MRTFB: variants seen among roughly 807,000 people sequenced by gnomAD.
MRTFB encodes the protein myocardin-related transcription factor B.
Under a neutral mutation model 104.2 loss-of-function variants are expected in MRTFB, and 29 were observed. The ratio of observed to expected loss-of-function variants is 0.28; its 90% CI spans 0.21 to 0.38. The LOEUF (loss-of-function observed/expected upper bound fraction) is 0.38, where lower values mean the gene tolerates loss of function less well. Ranked by LOEUF, MRTFB falls within the 10% of genes least tolerant of loss-of-function variation. The probability of loss-of-function intolerance (pLI) is 1.00; values close to 1 mark genes in which losing one functional copy is unlikely to be tolerated. For missense variants in MRTFB, 1,270 were observed against 1,341.6 expected (o/e 0.95, Z 0.83); for synonymous variants, 535 against 519.5 (o/e 1.03, Z -0.41).
Position 14,248,968 on chromosome 16 carries a change from A to G in MRTFB, c.2290A>G (p.Thr764Ala), listed in dbSNP as rs1218209710. ...AATGCAGACTCAGCCTCAGATAGCA[A>G]CTGCTGCACAAATACCAACTGCTGC... ...AGMQTQPQIA[T>A]AAQIPTAALA... The change falls in exon 13 of 17, where the codon ACT becomes GCT. Residue 764 changes from threonine (T) to alanine (A), a missense_variant. Thr to Ala is a moderately conservative substitution (Grantham distance 58). Around this residue, in one of 3 missense-constraint regions of MRTFB, gnomAD observed 1,144 missense variants for 1,131.5 expected, o/e 1.01. Transcript: ENST00000571589. The G allele has an allele frequency of 6.2e-7, 1 of 1,614,190 alleles. No individual in the cohort carries two copies. The highest frequency in any genetic ancestry group is 1.1e-5 in the South Asian group (1 of 91,082).
chr16:14,017,338 G>A, the MRTFB span, among the ~76,000 whole-genome samples: 16 of 151,390 alleles, frequency 1.1e-4, no homozygotes, highest in Non-Finnish European at 1.6e-4. Context: ...TTACAGGCGT[G>A]AGCCACCGCG....
At chr16:14,005,850 A>G in the MRTFB span, among the ~76,000 whole-genome samples, 1 of 152,230 alleles carries the variant, frequency 6.6e-6, no homozygotes, top group Admixed American at 6.5e-5. Flanking sequence ...ATTATTTCAC[A>G]AAGAATTTCA....
At chr16:14,066,566 C>T (rs1338660266), upstream of MRTFB, among the ~76,000 whole-genome samples, 1 of 152,106 alleles carries the variant, frequency 6.6e-6, no homozygotes, top group African/African-American at 2.4e-5. Context: ...AGCCACCGTG[C>T]CCGGCCTATT....
the MRTFB span, among the ~76,000 whole-genome samples, chr16:14,007,454 C>G: frequency 7.2e-5 from 11 of 152,294 alleles, no homozygotes; most frequent in African/African-American, 2.4e-4. Context: ...GTATAAAGCA[C>G]ATTTTATTTA....
intron 2 of MRTFB, among the ~76,000 whole-genome samples, chr16:14,100,200 A>T (rs756941730): frequency 4.4e-4 from 60 of 135,474 alleles, no homozygotes; most frequent in Non-Finnish European, 6.7e-4. Context: ...AAGGGAAAAC[A>T]CTAAGTCTTA....
At chr16:14,152,206 C>G (rs1028151345) in intron 3 of MRTFB, 1 of 151,994 alleles carries the variant, frequency 6.6e-6, no homozygotes, top group African/African-American at 2.4e-5. Flanking sequence ...ATGTCATAAT[C>G]ACATCTCTAA....
chr16:14,099,032 T>C (rs2035548832), intron 2 of MRTFB, among the ~76,000 whole-genome samples: 2 of 152,218 alleles, frequency 1.3e-5, no homozygotes, highest in African/African-American at 4.8e-5. Flanking sequence ...TTTTTAATTT[T>C]TTACAAAGTT....
intron 8 of MRTFB, among the ~76,000 whole-genome samples, chr16:14,232,418 C>T (rs765321036): frequency 1.2e-4 from 19 of 152,154 alleles, no homozygotes; most frequent in Non-Finnish European, 2.4e-4. Context: ...CTTGGTTGGT[C>T]GGAGATTCAC....
intron 3 of MRTFB, among the ~76,000 whole-genome samples, chr16:14,172,608 C>A (rs1360868188): frequency 6.6e-6 from 1 of 151,936 alleles, no homozygotes; most frequent in African/African-American, 2.4e-5. Flanking sequence ...CATTGCTTTC[C>A]CAGAGGGTTG....
intron 3 of MRTFB, chr16:14,187,010 G>T: frequency 6.3e-7 from 1 of 1,596,618 alleles, no homozygotes; most frequent in Non-Finnish European, 8.5e-7. Flanking sequence ...GCCTTGAGGG[G>T]AGCAACCAGA....
At chr16:14,137,594 CAG>C (rs1310424235) in intron 2 of MRTFB, among the ~76,000 whole-genome samples, 3 of 151,996 alleles carry the variant, frequency 2.0e-5, no homozygotes, top group African/African-American at 4.8e-5. Flanking sequence ...AATGAAAATT[CAG>C]AGTTTTGAAA....
chr16:14,158,822 G>A (rs1404846836), intron 3 of MRTFB, among the ~76,000 whole-genome samples: 1 of 151,990 alleles, frequency 6.6e-6, no homozygotes, highest in African/African-American at 2.4e-5. Flanking sequence ...TATATAATAG[G>A]TGCTATATAA....
At chr16:14,148,528 C>T (rs771955436) in intron 3 of MRTFB, 3 of 152,492 alleles carry the variant, frequency 2.0e-5, no homozygotes, top group Non-Finnish European at 2.9e-5. Context: ...GTTAAAGTAA[C>T]GTGTTGGAAT....
At chr16:14,185,780 A>G (rs1387803904) in intron 3 of MRTFB, among the ~76,000 whole-genome samples, 1 of 152,150 alleles carries the variant, frequency 6.6e-6, no homozygotes, top group African/African-American at 2.4e-5. Flanking sequence ...AAAGGAACAC[A>G]CTTTGAACCA....
Position 14,265,944 on chromosome 16 carries a change from G to C in MRTFB, c.*4500G>C, listed in dbSNP as rs779659387. On this transcript the variant is annotated 3_prime_UTR_variant, in exon 17 of 17. Transcript: ENST00000571589. Reference sequence around the variant, plus strand: ...CAAAGTTTATAGAATACTGAAACTCGTAACAATTACCTCTCTACGTGATGC... The same window carrying C: ...CAAAGTTTATAGAATACTGAAACTCCTAACAATTACCTCTCTACGTGATGC... 1 of 152,174 alleles carries C rather than the reference G, an allele frequency of 6.6e-6. No homozygotes were observed. Among genetic ancestry groups the C allele is most frequent in the Non-Finnish European group, 1.5e-5 (1 of 68,040 alleles). 9.4% of individuals were successfully genotyped at this position (152,174 alleles called of 1,614,324 possible).
intron 8 of MRTFB, among the ~76,000 whole-genome samples, chr16:14,226,814 A>AAAAT (rs1426730176): frequency 1.3e-5 from 2 of 151,988 alleles, no homozygotes; most frequent in African/African-American, 4.8e-5. Flanking sequence ...ATCTCTACAA[A>AAAAT]AAATAAAAAT....
At chr16:14,131,123 T>C (rs908904071) in intron 2 of MRTFB, among the ~76,000 whole-genome samples, 2 of 152,200 alleles carry the variant, frequency 1.3e-5, no homozygotes, top group African/African-American at 4.8e-5. Flanking sequence ...GTTCATATAA[T>C]TTATTAGTGA....
At chr16:14,055,214 G>A in the MRTFB span, among the ~76,000 whole-genome samples, 2,862 of 152,300 alleles carry the variant, frequency 0.019, 96 homozygotes, top group African/African-American at 0.065. Context: ...AGCTGGGCAT[G>A]GTGGCACATG....
chr16:14,119,684 G>C (rs934556406), intron 2 of MRTFB, among the ~76,000 whole-genome samples: 1 of 152,010 alleles, frequency 6.6e-6, no homozygotes, highest in East Asian at 1.9e-4. Context: ...AAAAAATCTG[G>C]TCTGTTTTAA....
Sources: gnomAD v4.1 joint callset for allele counts (sites outside exome capture counted in the v4.1 genomes callset) on GRCh38, gnomAD v4.1.1 for gene constraint, gnomAD v4.1.1 regional missense constraint, MANE v1.5 for transcripts, NCBI Gene and HGNC (gene_info 2026-07-23, HGNC 2026-07-21) for gene names.